TGFBR3: variants seen among roughly 807,000 people sequenced by gnomAD.
The protein encoded by TGFBR3 is transforming growth factor beta receptor type 3.
TGFBR3 carries 46 observed loss-of-function variants against 87.9 expected under a neutral mutation model. The ratio of observed to expected loss-of-function variants is 0.52; its 90% CI spans 0.41 to 0.67. The LOEUF (loss-of-function observed/expected upper bound fraction) is 0.67, where lower values mean the gene tolerates loss of function less well. TGFBR3 is among the 30% of genes least tolerant of loss of function. TGFBR3 has a pLI of 0.00. For missense variants in TGFBR3, 866 were observed against 1,041.9 expected, an observed-to-expected ratio of 0.83 and a Z score of 2.32; for synonymous variants, 381 against 391.6, an observed-to-expected ratio of 0.97 and a Z score of 0.32.
At chr1:91,760,210 C>G (rs1673908604) in intron 3 of TGFBR3, among the ~76,000 whole-genome samples, 1 of 152,118 alleles carries the variant, frequency 6.6e-6, no homozygotes, top group African/African-American at 2.4e-5. Flanking sequence ...GACTGTAGGC[C>G]AGGAGCTTGA....
intron 2 of TGFBR3, among the ~76,000 whole-genome samples, chr1:91,854,387 C>T (rs886972107): frequency 2.0e-5 from 3 of 151,910 alleles, no homozygotes; most frequent in Admixed American, 6.6e-5. Context: ...AACCAGGTGA[C>T]GCCCTGAAAC....
At chr1:91,730,010 G>A (rs1310621154) in intron 5 of TGFBR3, 37 bp from the exon 6 acceptor site, 1 of 1,612,498 alleles carries the variant, frequency 6.2e-7, no homozygotes, top group Non-Finnish European at 8.5e-7. Context: ...AAACCACTGA[G>A]GTACTCGGTA....
chr1:91,790,309 T>G (rs1675138183), intron 3 of TGFBR3, among the ~76,000 whole-genome samples: 1 of 152,176 alleles, frequency 6.6e-6, no homozygotes, highest in South Asian at 2.1e-4. Flanking sequence ...CTGTGCACAT[T>G]TGTAGCCTAG....
chr1:91,850,780 C>CAAAA (rs61025683), intron 2 of TGFBR3, among the ~76,000 whole-genome samples: 1 of 58,428 alleles, frequency 1.7e-5, no homozygotes, highest in African/African-American at 5.4e-5. Context: ...GACCCTGTCT[C>CAAAA]AAAAAAAAAA....
chr1:91,697,651 G>GTCTT (rs1557662324), intron 15 of TGFBR3, among the ~76,000 whole-genome samples: 3 of 152,160 alleles, frequency 2.0e-5, no homozygotes, highest in Non-Finnish European at 4.4e-5. Context: ...CTTGCACTAC[G>GTCTT]GATTGTCTTG....
intron 1 of TGFBR3, among the ~76,000 whole-genome samples, chr1:91,900,394 G>A (rs1461386091): frequency 2.0e-5 from 3 of 152,214 alleles, no homozygotes; most frequent in Non-Finnish European, 4.4e-5. Context: ...GATTACAGGT[G>A]TGAATCACCA....
At chr1:91,864,681 C>A (rs997989503) in intron 1 of TGFBR3, among the ~76,000 whole-genome samples, 1 of 152,198 alleles carries the variant, frequency 6.6e-6, no homozygotes, top group Non-Finnish European at 1.5e-5. Flanking sequence ...TTGGCCACAA[C>A]TTGTACACCT....
At chr1:91,706,684 G>A (rs940622682) in intron 14 of TGFBR3, among the ~76,000 whole-genome samples, 17 of 152,108 alleles carry the variant, frequency 1.1e-4, no homozygotes, top group African/African-American at 2.4e-4. Flanking sequence ...GTTTCTTTAC[G>A]TCTCTAATAA....
At chr1:91,807,137 G>A (rs888539829) in intron 2 of TGFBR3, among the ~76,000 whole-genome samples, 24 of 152,142 alleles carry the variant, frequency 1.6e-4, no homozygotes, top group African/African-American at 4.3e-4. Flanking sequence ...GAACTACAGC[G>A]CCTTGGGGAT....
chr1:91,718,512 T>C (rs1394269723), intron 10 of TGFBR3, among the ~76,000 whole-genome samples: 1 of 138,562 alleles, frequency 7.2e-6, no homozygotes, highest in Non-Finnish European at 1.5e-5. Flanking sequence ...CACAGGGATC[T>C]CTGAGCCTTA....
chr1:91,701,651 T>C (rs1671623133), intron 14 of TGFBR3, among the ~76,000 whole-genome samples: 1 of 152,168 alleles, frequency 6.6e-6, no homozygotes, highest in Admixed American at 6.6e-5. Context: ...ACGGGATATT[T>C]CTGGGGTTAT....
rs1316587322 is a variant in TGFBR3, at chr1:91,680,784, A to C, written c.*2955T>G. On this transcript the variant is annotated 3_prime_UTR_variant, in exon 17 of 17. Transcript: ENST00000212355. ...AGACTGGCACGCGTGTGAGCACCCC[A>C]CACACACTCACAATCATGCCCACTA... 6.6e-6 allele frequency: 3 copies of C among 453,958 alleles called. No individual in the cohort carries two copies. The highest frequency in any genetic ancestry group is 6.0e-5 in the African/African-American group (3 of 50,002). 28.1% of individuals were successfully genotyped at this position (453,958 alleles called of 1,614,324 possible).
chr1:91,898,662 C>A (rs1326459226), intron 2 of TGFBR3, among the ~76,000 whole-genome samples: 4 of 152,110 alleles, frequency 2.6e-5, no homozygotes, highest in Non-Finnish European at 5.9e-5. Flanking sequence ...TGGTCTCGAT[C>A]TCCTGACCTC....
chr1:91,832,421 C>CATT (rs1190979730), intron 2 of TGFBR3, among the ~76,000 whole-genome samples: 1 of 152,092 alleles, frequency 6.6e-6, no homozygotes. Context: ...CTAATAATAA[C>CATT]ATTATTATCT....
intron 3 of TGFBR3, among the ~76,000 whole-genome samples, chr1:91,793,805 CAAAAAAAAAA>C (rs57943201): frequency 0.16 from 16,308 of 99,406 alleles, 1,238 homozygotes; most frequent in East Asian, 0.35. Flanking sequence ...GACTCTGTCT[CAAAAAAAAAA>C]AAAAAAAAAA....
intron 3 of TGFBR3, among the ~76,000 whole-genome samples, chr1:91,788,333 G>C (rs927924174): frequency 6.6e-6 from 1 of 152,164 alleles, no homozygotes; most frequent in Non-Finnish European, 1.5e-5. Context: ...ATTAGCTCAG[G>C]CCACAGAGAG....
intron 4 of TGFBR3, among the ~76,000 whole-genome samples, chr1:91,742,141 C>T (rs1260862269): frequency 1.3e-5 from 2 of 152,142 alleles, no homozygotes; most frequent in African/African-American, 2.4e-5. Context: ...AGGAGTATCA[C>T]CTGCTCTGTG....
At chr1:91,845,941 C>G (rs1677479839) in intron 2 of TGFBR3, among the ~76,000 whole-genome samples, 1 of 152,140 alleles carries the variant, frequency 6.6e-6, no homozygotes, top group Non-Finnish European at 1.5e-5. Context: ...AGAAGAGGCC[C>G]TTGCGAAGAA....
At chr1:91,787,292 G>A (rs1355260925) in intron 3 of TGFBR3, among the ~76,000 whole-genome samples, 2 of 151,648 alleles carry the variant, frequency 1.3e-5, no homozygotes, top group African/African-American at 4.9e-5. Flanking sequence ...AGAGCGAGAC[G>A]CCATCTCACA....
Sources: allele counts gnomAD v4.1 joint callset (sites outside exome capture counted in the v4.1 genomes callset), GRCh38; gene constraint gnomAD v4.1.1; transcripts MANE v1.5; gene names NCBI Gene and HGNC (gene_info 2026-07-23, HGNC 2026-07-21).